The following GFRA1 variants were observed in gnomAD, a reference collection of about 807,000 sequenced individuals.
The protein encoded by GFRA1 is GDNF family receptor alpha 1.
In GFRA1, 16 loss-of-function variants were observed where a neutral mutation model predicts 51.6. That is an observed-to-expected ratio of 0.31 (90% CI 0.21 to 0.47). The LOEUF (loss-of-function observed/expected upper bound fraction) is 0.47, where lower values mean the gene tolerates loss of function less well. Among genes scored for constraint, GFRA1 ranks in the 20% least tolerant of loss-of-function variants. The pLI, the probability that GFRA1 is intolerant of heterozygous loss-of-function variation, is 1.00. For missense variants in GFRA1, 530 were observed against 594.3 expected, an observed-to-expected ratio of 0.89 and a Z score of 1.13; for synonymous variants, 270 against 241.3, an observed-to-expected ratio of 1.12 and a Z score of -1.10.
Position 116,062,080 on chromosome 10 carries a change from C to G in GFRA1, c.*2318G>C, listed in dbSNP as rs569959549. The G allele has an allele frequency of 2.4e-4, 94 of 398,490 alleles. No individual in the cohort carries two copies. Among genetic ancestry groups the G allele is most frequent in the African/African-American group, 1.8e-3 (90 of 48,706 alleles). 24.7% of individuals were successfully genotyped at this position (398,490 alleles called of 1,614,324 possible). A position where few individuals can be genotyped will look rare whatever the true frequency, so the allele number is the denominator to read the frequency against. ...AAAATGTAATTTATATATTGCCTAC[C>G]CATGCATTCTTCAATGAAGGCTGCC... is the stretch of plus-strand genomic sequence containing the variant. On this transcript the variant is annotated 3_prime_UTR_variant, in exon 11 of 11. Coordinates refer to ENST00000355422, the MANE Select transcript of GFRA1 (RefSeq NM_005264.8).
At chr10:116,069,841 T>C (rs1367449192) in intron 9 of GFRA1, among the ~76,000 whole-genome samples, 4 of 152,146 alleles carry the variant, frequency 2.6e-5, no homozygotes, top group Non-Finnish European at 5.9e-5. Flanking sequence ...CAGCAGGCTC[T>C]CCCCAAGCTC....
rs563682458 is a variant in GFRA1 at position 116,271,558 on chromosome 10, G to A, written c.40+432C>T. ...CGGGCGCGCGCTGGGCGCGGGGCAG[G>A]CCAGCCATGGTCAGCGGTCCGCCGG... is the stretch of plus-strand genomic sequence containing the variant. On this transcript the variant is annotated intron_variant, in intron 2 of 10. Transcript: ENST00000355422. Among the ~76,000 whole-genome samples the A allele has an allele frequency of 2.8e-4, 42 of 152,272 alleles. No homozygotes were observed. In the South Asian group the frequency reaches 8.5e-3, roughly 31 times the overall value.
intron 5 of GFRA1, among the ~76,000 whole-genome samples, chr10:116,196,576 TAATATATAGTACTATATATAATA>T (rs1488310259): frequency 0.017 from 751 of 43,112 alleles, 32 homozygotes; most frequent in East Asian, 0.022. Context: ...ATAATATATA[TAATATATAGTACTATATATAATA>T]TATATATAGT....
At chr10:116,126,754 A>C (rs977389237) in intron 5 of GFRA1, among the ~76,000 whole-genome samples, 2 of 152,158 alleles carry the variant, frequency 1.3e-5, no homozygotes, top group Admixed American at 1.3e-4. Context: ...CATTCTGCTT[A>C]TGTGCCCCCA....
intron 5 of GFRA1, among the ~76,000 whole-genome samples, chr10:116,137,950 C>A (rs186409459): frequency 4.6e-5 from 7 of 152,032 alleles, no homozygotes; most frequent in Non-Finnish European, 1.0e-4. Flanking sequence ...TACGGATGCC[C>A]AACACTACAC....
intron 5 of GFRA1, among the ~76,000 whole-genome samples, chr10:116,132,753 T>C (rs1958155871): frequency 6.6e-6 from 1 of 151,982 alleles, no homozygotes; most frequent in Admixed American, 6.6e-5. Flanking sequence ...ATTGAATGGA[T>C]CCCCCAGTGC....
At chr10:116,082,093 A>G (rs1955876007) in intron 9 of GFRA1, among the ~76,000 whole-genome samples, 1 of 152,226 alleles carries the variant, frequency 6.6e-6, no homozygotes, top group Non-Finnish European at 1.5e-5. Flanking sequence ...TCTGCAACCA[A>G]GAATGTTTCA....
At chr10:116,181,264 A>G (rs1822538107) in intron 5 of GFRA1, among the ~76,000 whole-genome samples, 1 of 152,230 alleles carries the variant, frequency 6.6e-6, no homozygotes, top group African/African-American at 2.4e-5. Context: ...GTAGGCAGTC[A>G]TCTATACAGA....
intron 5 of GFRA1, among the ~76,000 whole-genome samples, chr10:116,155,931 C>T (rs2082250898): frequency 6.6e-6 from 1 of 152,344 alleles, no homozygotes; most frequent in African/African-American, 2.4e-5. Flanking sequence ...CCAGCACACC[C>T]ACCAAAAGCA....
At chr10:116,066,137 G>T (rs1421565582) in intron 9 of GFRA1, among the ~76,000 whole-genome samples, 2 of 152,152 alleles carry the variant, frequency 1.3e-5, no homozygotes, top group Non-Finnish European at 2.9e-5. Flanking sequence ...GGGCTTGTTT[G>T]TTTGTTCATT....
chr10:116,211,548 C>T, intron 5 of GFRA1, 83 bp downstream of exon 5: 2 of 1,262,788 alleles, frequency 1.6e-6, no homozygotes, highest in Non-Finnish European at 2.3e-6. Flanking sequence ...CGGGAAACCC[C>T]ATAACCCTCT....
chr10:116,117,738 G>C (rs1030323044), intron 6 of GFRA1, among the ~76,000 whole-genome samples: 2 of 152,154 alleles, frequency 1.3e-5, no homozygotes, highest in Non-Finnish European at 2.9e-5. Flanking sequence ...TGGACAGATG[G>C]ATGAATGGAA....
intron 4 of GFRA1, among the ~76,000 whole-genome samples, chr10:116,212,239 G>A: frequency 6.6e-6 from 1 of 152,096 alleles, no homozygotes; most frequent in East Asian, 1.9e-4. Context: ...CACATCTAGG[G>A]CCAGGCACGG....
At chr10:116,086,744 C>T (rs1213747364) in intron 9 of GFRA1, among the ~76,000 whole-genome samples, 1 of 152,188 alleles carries the variant, frequency 6.6e-6, no homozygotes, top group Non-Finnish European at 1.5e-5. Flanking sequence ...TCCTCCACAG[C>T]CCCACGCCTT....
rs571235743 is a variant in GFRA1, at chr10:116,084,248, C to T, written c.1197+5493G>A. On this transcript the variant is annotated intron_variant, in intron 9 of 10. Coordinates refer to ENST00000355422, the MANE Select transcript of GFRA1 (RefSeq NM_005264.8). ...TTGATTTTAACAGGAAGCATGCTTT[C>T]GAAGATTATCCACATGGACCCTTCA... is the stretch of plus-strand genomic sequence containing the variant. Among the ~76,000 whole-genome samples the T allele has an allele frequency of 1.8e-4, 27 of 152,288 alleles. No homozygotes were observed. In the South Asian group the frequency reaches 3.3e-3, roughly 19 times the overall value.
At chr10:116,198,965 T>C (rs1348380699) in intron 5 of GFRA1, among the ~76,000 whole-genome samples, 1 of 152,104 alleles carries the variant, frequency 6.6e-6, no homozygotes, top group Non-Finnish European at 1.5e-5. Context: ...TCCAGAGACA[T>C]ACAGAGACAA....
At chr10:116,178,300 G>GGC (rs1565630446) in intron 5 of GFRA1, among the ~76,000 whole-genome samples, 4 of 41,202 alleles carry the variant, frequency 9.7e-5, no homozygotes, top group Non-Finnish European at 1.6e-4. Flanking sequence ...ACAAGGGGCC[G>GGC]GGGGGGCGTT....
At chr10:116,081,401 C>A (rs576986228) in intron 9 of GFRA1, among the ~76,000 whole-genome samples, 37 of 152,298 alleles carry the variant, frequency 2.4e-4, no homozygotes, top group African/African-American at 8.7e-4. Context: ...AGATGTTCAA[C>A]AAGAATTTAG....
At chr10:116,238,294 T>C (rs1442911327) in intron 4 of GFRA1, among the ~76,000 whole-genome samples, 3 of 152,176 alleles carry the variant, frequency 2.0e-5, no homozygotes, top group Non-Finnish European at 4.4e-5. Context: ...CCCAGTGACC[T>C]CGCAAGGTAT....
Sources: allele counts gnomAD v4.1 joint callset (sites outside exome capture counted in the v4.1 genomes callset), GRCh38; gene constraint gnomAD v4.1.1; transcripts MANE v1.5; gene names NCBI Gene and HGNC (gene_info 2026-07-23, HGNC 2026-07-21).